Variants in ASTN2 observed in about 807,000 individuals in gnomAD.
The protein encoded by ASTN2 is astrotactin-2.
A neutral mutation model predicts 139.8 loss-of-function variants in ASTN2; 54 were observed. The ratio of observed to expected loss-of-function variants is 0.39; its 90% CI spans 0.31 to 0.48. The LOEUF (loss-of-function observed/expected upper bound fraction) is 0.48, where lower values mean the gene tolerates loss of function less well. Ranked by LOEUF, ASTN2 falls within the 20% of genes least tolerant of loss-of-function variation. The probability of loss-of-function intolerance (pLI) is 0.95; values close to 1 mark genes in which losing one functional copy is unlikely to be tolerated. For missense variants in ASTN2, 1,565 were observed against 1,725.1 expected, an observed-to-expected ratio of 0.91 and a Z score of 1.64; for synonymous variants, 756 against 719.5, an observed-to-expected ratio of 1.05 and a Z score of -0.81.
intron 10 of ASTN2, among the ~76,000 whole-genome samples, chr9:116,889,638 C>T (rs1833707752): frequency 6.6e-6 from 1 of 151,692 alleles, no homozygotes; most frequent in African/African-American, 2.4e-5. Flanking sequence ...GTAATCCTAG[C>T]ACTTTGTGAG....
chr9:116,919,848 G>A (rs1277711734), intron 10 of ASTN2, among the ~76,000 whole-genome samples: 1 of 151,542 alleles, frequency 6.6e-6, no homozygotes, highest in East Asian at 1.9e-4. Flanking sequence ...GGCTGCAGTG[G>A]GAGGATTGCT....
At chr9:117,081,280 G>C (rs186899503) in intron 5 of ASTN2, among the ~76,000 whole-genome samples, 2 of 152,110 alleles carry the variant, frequency 1.3e-5, no homozygotes, top group Admixed American at 6.5e-5. Flanking sequence ...TTTTCTTCAC[G>C]TGGAGCACTA....
chr9:117,393,926 C>G (rs1251578607), intron 1 of ASTN2, among the ~76,000 whole-genome samples: 2 of 152,072 alleles, frequency 1.3e-5, no homozygotes, highest in African/African-American at 4.8e-5. Flanking sequence ...ATCAAGGGTC[C>G]AGAATTCCTA....
intron 2 of ASTN2, among the ~76,000 whole-genome samples, chr9:117,247,651 C>T (rs1833421085): frequency 6.6e-6 from 1 of 152,248 alleles, no homozygotes; most frequent in East Asian, 1.9e-4. Context: ...GCTCCTTCCT[C>T]ACAGTGGAGG....
intron 13 of ASTN2, among the ~76,000 whole-genome samples, chr9:116,788,421 A>T (rs949644359): frequency 1.3e-5 from 2 of 152,218 alleles, no homozygotes; most frequent in Non-Finnish European, 2.9e-5. Context: ...AAAACATCAC[A>T]TTCTATCTCA....
chr9:116,989,517 C>CAAT (rs1240310797), intron 7 of ASTN2, among the ~76,000 whole-genome samples: 37 of 151,688 alleles, frequency 2.4e-4, no homozygotes, highest in Admixed American at 2.4e-3. Flanking sequence ...TACCATTTTA[C>CAAT]GTAATGTGTA....
chr9:116,844,594 C>T (rs541960923), intron 11 of ASTN2, among the ~76,000 whole-genome samples: 46 of 148,200 alleles, frequency 3.1e-4, no homozygotes, highest in African/African-American at 8.7e-4. Context: ...AGAATTGCTA[C>T]GGAGGAAAAA....
chr9:116,538,723 C>T (rs1042396760), intron 19 of ASTN2, among the ~76,000 whole-genome samples: 4 of 152,156 alleles, frequency 2.6e-5, no homozygotes, highest in Admixed American at 2.0e-4. Context: ...TGAGATGCAT[C>T]CTACAAGTGA....
At chr9:116,851,419 T>C (rs535708930) in intron 11 of ASTN2, among the ~76,000 whole-genome samples, 98 of 152,238 alleles carry the variant, frequency 6.4e-4, no homozygotes, top group African/African-American at 2.3e-3. Context: ...AAACTGTAAA[T>C]AATGTTTTAC....
Position 117,390,788 on chromosome 9 carries a change from T to C in ASTN2, c.442+23709A>G, listed in dbSNP as rs1221454693. On this transcript the variant is annotated intron_variant, in intron 1 of 22. Coordinates refer to ENST00000313400, the MANE Select transcript of ASTN2 (RefSeq NM_001365068.1). ...GTTGGTTTCCTCCACATTTTGACAA[T>C]TATGAATAAAGCTGCTATAAACATT... 2.0e-5 allele frequency among the ~76,000 whole-genome samples: 3 copies of C among 152,212 alleles called. No homozygotes were observed. The East Asian group carries it at 5.8e-4, about 29-fold the overall frequency.
intron 3 of ASTN2, among the ~76,000 whole-genome samples, chr9:117,159,493 G>C (rs1246589831): frequency 6.6e-6 from 1 of 152,002 alleles, no homozygotes; most frequent in East Asian, 1.9e-4. Flanking sequence ...GTGGGGAGCT[G>C]AGCTTGATTA....
chr9:116,894,857 C>T (rs1564327760), intron 10 of ASTN2, among the ~76,000 whole-genome samples: 1 of 152,150 alleles, frequency 6.6e-6, no homozygotes, highest in Non-Finnish European at 1.5e-5. Context: ...TCCTGACACC[C>T]AAACCTCTGC....
At chr9:117,403,113 T>G (rs1830884508) in intron 1 of ASTN2, among the ~76,000 whole-genome samples, 1 of 152,280 alleles carries the variant, frequency 6.6e-6, no homozygotes, top group East Asian at 1.9e-4. Flanking sequence ...GTCAATACAC[T>G]TGCTGAAGTT....
intron 19 of ASTN2, among the ~76,000 whole-genome samples, chr9:116,605,716 A>C (rs1855158221): frequency 6.6e-6 from 1 of 151,980 alleles, no homozygotes; most frequent in South Asian, 2.1e-4. Context: ...CTAGTTGCTC[A>C]CTAGTTGCTG....
At chr9:117,180,706 G>A (rs1831040546) in intron 3 of ASTN2, 1 of 1,586,442 alleles carries the variant, frequency 6.3e-7, no homozygotes, top group African/African-American at 1.4e-5. Context: ...AAGCCCTCAT[G>A]AGTGCAGGGC....
intron 13 of ASTN2, among the ~76,000 whole-genome samples, chr9:116,791,900 C>T: frequency 6.6e-6 from 1 of 152,128 alleles, no homozygotes; most frequent in South Asian, 2.1e-4. Flanking sequence ...GCTGTGAAGA[C>T]AAGCAAAATG....
intron 1 of ASTN2, among the ~76,000 whole-genome samples, chr9:117,335,843 C>A (rs564137461): frequency 6.6e-6 from 1 of 152,172 alleles, no homozygotes; most frequent in South Asian, 2.1e-4. Flanking sequence ...GGAATGAAAT[C>A]CATATCTATG....
chr9:116,737,125 C>T (rs965232956), intron 13 of ASTN2, among the ~76,000 whole-genome samples: 5 of 152,182 alleles, frequency 3.3e-5, no homozygotes, highest in Middle Eastern at 3.2e-3. Context: ...GGCAGGTAGG[C>T]GGAGATGAAG....
intron 13 of ASTN2, among the ~76,000 whole-genome samples, chr9:116,796,837 G>A (rs1830704272): frequency 6.6e-6 from 1 of 152,050 alleles, no homozygotes; most frequent in Non-Finnish European, 1.5e-5. Flanking sequence ...TTTGAGACAG[G>A]ATCTCACAGT....
Sources: allele counts gnomAD v4.1 joint callset (sites outside exome capture counted in the v4.1 genomes callset), GRCh38; gene constraint gnomAD v4.1.1; transcripts MANE v1.5; gene names NCBI Gene and HGNC (gene_info 2026-07-23, HGNC 2026-07-21).